GEMIN7: variants seen among roughly 807,000 people sequenced by gnomAD.
The protein encoded by GEMIN7 is gem nuclear organelle associated protein 7.
A neutral mutation model predicts 7.8 loss-of-function variants in GEMIN7; 7 were observed. The ratio of observed to expected loss-of-function variants is 0.90; its 90% CI spans 0.51 to 1.69. The LOEUF (loss-of-function observed/expected upper bound fraction) is 1.69, where lower values mean the gene tolerates loss of function less well. GEMIN7 is among the 40% of genes most tolerant of loss of function. GEMIN7 has a pLI of 0.00. For synonymous variants in GEMIN7, 68 were observed against 72.4 expected, an observed-to-expected ratio of 0.94 and a Z score of 0.31; for missense variants, 159 against 176.2, an observed-to-expected ratio of 0.90 and a Z score of 0.55.
At chr19:45,084,824 C>T (rs190078970) in intron 2 of GEMIN7, among the ~76,000 whole-genome samples, 60 of 152,362 alleles carry the variant, frequency 3.9e-4, no homozygotes, top group Non-Finnish European at 7.1e-4. Context: ...GGCGCAGTCT[C>T]GGCTCACCAC....
chr19:45,090,298 CT>C lies in GEMIN7; in HGVS notation c.186del (p.Arg63GlyfsTer16). On this transcript the variant is annotated frameshift_variant, in exon 3 of 3. Transcript: ENST00000270257. LOFTEE classifies it high-confidence loss of function. ...CCAGGAGCAGCGGGCACGAGCCGCC[CT>C]TCGGGAGCGTTACCTCCGCAGCCTG... is the stretch of plus-strand genomic sequence containing the variant. ...ESQEQRARAA[L>X]RERYLRSLLA... 6.2e-7 allele frequency: 1 copy of C among 1,614,194 alleles called. No individual in the cohort carries two copies.
intron 2 of GEMIN7, among the ~76,000 whole-genome samples, chr19:45,080,912 G>A (rs1163586038): frequency 6.6e-6 from 1 of 152,074 alleles, no homozygotes; most frequent in African/African-American, 2.4e-5. Flanking sequence ...AGAGACTAGG[G>A]GGTTTCTCTT....
intron 2 of GEMIN7, among the ~76,000 whole-genome samples, chr19:45,080,591 C>G (rs182437389): frequency 1.3e-5 from 2 of 152,070 alleles, no homozygotes; most frequent in East Asian, 3.9e-4. Context: ...GTTAGCCAGG[C>G]TGGTCTTAAA....
intron 2 of GEMIN7, 41 bp downstream of exon 2, chr19:45,080,070 G>A (rs2122648850): frequency 6.6e-6 from 1 of 152,358 alleles, no homozygotes; most frequent in Non-Finnish European, 1.5e-5. Flanking sequence ...CTAAGTGTTG[G>A]GCTCTTGAAT....
chr19:45,082,821 A>G (rs1174666587), intron 2 of GEMIN7, among the ~76,000 whole-genome samples: 1 of 136,378 alleles, frequency 7.3e-6, no homozygotes, highest in African/African-American at 2.8e-5. Context: ...GGGTTTTGCT[A>G]TATTGCTCAG....
intron 2 of GEMIN7, among the ~76,000 whole-genome samples, chr19:45,085,885 T>TTTTTA (rs1967666783): frequency 1.4e-5 from 2 of 141,564 alleles, no homozygotes; most frequent in South Asian, 2.5e-4. Flanking sequence ...TTTTTTTTTT[T>TTTTTA]GAGACGGAGT....
At position 45,090,097 on chromosome 19, in the gene GEMIN7, C is replaced by T. The variant is rs762270631; in HGVS notation, c.-8-10C>T. On this transcript the variant is annotated splice_polypyrimidine_tract_variant and intron_variant, in intron 2 of 2. Coordinates refer to ENST00000270257, the MANE Select transcript of GEMIN7 (RefSeq NM_024707.3). ...GTAATGACTTCCTGCTCTTTTTCTT[C>T]ACTCAACAGCCAAGACAATGCAAAC... 6.3e-7 allele frequency: 1 copy of T among 1,589,226 alleles called. No homozygotes were observed. The highest frequency in any genetic ancestry group is 1.8e-5 in the Admixed American group (1 of 56,984).
chr19:45,076,448 G>T, upstream of GEMIN7: 1 of 1,104,060 alleles, frequency 9.1e-7, no homozygotes, highest in East Asian at 3.5e-5. This position sits in a 1 kb window ranked among gnomAD's most constrained non-coding sequence, Gnocchi z 4.9. Flanking sequence ...AGCGGAGGAC[G>T]CGCGGACCGT....
chr19:45,090,568 T>C lies in GEMIN7; in HGVS notation c.*58T>C. The C allele has an allele frequency of 2.0e-6, 3 of 1,513,838 alleles. No homozygotes were observed. The South Asian group carries it at 3.7e-5, about 19-fold the overall frequency. 93.8% of individuals were successfully genotyped at this position (1,513,838 alleles called of 1,614,324 possible). On this transcript the variant is annotated 3_prime_UTR_variant, in exon 3 of 3. Transcript: ENST00000270257. ...AGGCACTGTATCCCAGGCCTCCCAA[T>C]GTTCCCGAGCCAGGAACTCTGGGCC...
chr19:45,076,352 T>C, upstream of GEMIN7: 1 of 1,352,124 alleles, frequency 7.4e-7, no homozygotes, highest in Non-Finnish European at 9.5e-7. This position sits in a 1 kb window ranked among gnomAD's most constrained non-coding sequence, Gnocchi z 4.9. Flanking sequence ...CGGGGCGCGC[T>C]GCCGGCCTTG....
upstream of GEMIN7, among the ~76,000 whole-genome samples, chr19:45,077,612 C>A (rs759440116): frequency 6.6e-6 from 1 of 152,192 alleles, no homozygotes; most frequent in Non-Finnish European, 1.5e-5. Context: ...AGATGCTGAT[C>A]TCTTGGAGTT....
chr19:45,086,940 T>G (rs1198086357), intron 2 of GEMIN7, among the ~76,000 whole-genome samples: 3 of 150,596 alleles, frequency 2.0e-5, no homozygotes, highest in Non-Finnish European at 4.4e-5. Flanking sequence ...CCTGCCTCCC[T>G]GGTGCAAGCG....
intron 1 of GEMIN7, among the ~76,000 whole-genome samples, chr19:45,079,672 G>A (rs1356248056): frequency 1.3e-5 from 2 of 152,244 alleles, no homozygotes; most frequent in African/African-American, 2.4e-5. Context: ...TGGACGCCTG[G>A]GGGCCGGGAG....
At position 45,090,213 on chromosome 19, in the gene GEMIN7, C is replaced by A; in HGVS notation, c.99C>A (p.Pro33=). The A allele has an allele frequency of 1.2e-6, 2 of 1,614,202 alleles. No individual in the cohort carries two copies. The highest frequency in any genetic ancestry group is 1.1e-5 in the South Asian group (1 of 91,090). ...RGFAPDGRRA[P]LRPEVPEIQE... ...TTGCCCCTGATGGACGCAGAGCCCC[C>A]TTGAGGCCAGAGGTTCCTGAAATCC... The change falls in exon 3 of 3, where the codon CCC becomes CCA. Residue 33 remains proline (P), a synonymous_variant. Transcript: ENST00000270257.
At chr19:45,076,027 C>A, upstream of GEMIN7, 1 of 1,570,306 alleles carries the variant, frequency 6.4e-7, no homozygotes, top group Non-Finnish European at 8.6e-7. The surrounding 1 kb of genome is among the most constrained non-coding windows in gnomAD (Gnocchi z 4.9). Context: ...AGGGTCCCAC[C>A]CGAGGGTCAA....
chr19:45,086,162 C>T (rs1373524934), intron 2 of GEMIN7, among the ~76,000 whole-genome samples: 2 of 150,968 alleles, frequency 1.3e-5, no homozygotes, highest in East Asian at 2.0e-4. Context: ...CCACCACGCC[C>T]GGCCACACAA....
At position 45,090,582 on chromosome 19, in the gene GEMIN7, G is replaced by C; in HGVS notation, c.*72G>C. On this transcript the variant is annotated 3_prime_UTR_variant, in exon 3 of 3. Transcript: ENST00000270257. ...AGGCCTCCCAATGTTCCCGAGCCAG[G>C]AACTCTGGGCCCCATGGAGTTATGA... 2.0e-6 allele frequency: 3 copies of C among 1,465,002 alleles called. No individual in the cohort carries two copies. The highest frequency in any genetic ancestry group is 2.5e-5 in the South Asian group (2 of 78,584). The allele number at this position is 1,465,002 out of a possible 1,614,324, so 90.8% of individuals were successfully genotyped here. A position where few individuals can be genotyped will look rare whatever the true frequency, so the allele number is the denominator to read the frequency against.
chr19:45,083,095 C>T (rs997638339), intron 2 of GEMIN7, among the ~76,000 whole-genome samples: 22 of 152,104 alleles, frequency 1.4e-4, no homozygotes, highest in African/African-American at 4.8e-4. Flanking sequence ...AGAGAAGGTT[C>T]GCAGACCTCT....
chr19:45,085,953 C>T (rs1344507691), intron 2 of GEMIN7, among the ~76,000 whole-genome samples: 12 of 143,760 alleles, frequency 8.3e-5, no homozygotes, highest in African/African-American at 2.3e-4. Context: ...CTGCAAGCTC[C>T]GCCTCCCGGG....
Sources: allele counts gnomAD v4.1 joint callset (sites outside exome capture counted in the v4.1 genomes callset), GRCh38; gene constraint gnomAD v4.1.1; non-coding constraint Gnocchi (gnomAD v3.1); transcripts MANE v1.5; gene names NCBI Gene and HGNC (gene_info 2026-07-23, HGNC 2026-07-21).